The following MAP3K7CL variants were observed in gnomAD, a reference collection of about 807,000 sequenced individuals.
MAP3K7CL encodes the protein MAP3K7 C-terminal like, also known as MAP3K7 C-terminal-like protein.
In MAP3K7CL, 16 loss-of-function variants were observed where a neutral mutation model predicts 18.6. The ratio of observed to expected loss-of-function variants is 0.86; its 90% CI spans 0.58 to 1.31. The LOEUF is 1.31. Among genes scored for constraint, MAP3K7CL ranks in the 50% most tolerant of loss-of-function variants. The probability of loss-of-function intolerance (pLI) is 0.00; values close to 1 mark genes in which losing one functional copy is unlikely to be tolerated. For missense variants in MAP3K7CL, 163 were observed against 174.4 expected (o/e 0.93, Z 0.37); for synonymous variants, 65 against 66.8 (o/e 0.97, Z 0.13).
chr21:29,094,110 G>C (rs1046736006), intron 4 of MAP3K7CL, among the ~76,000 whole-genome samples: 3 of 152,208 alleles, frequency 2.0e-5, no homozygotes, highest in African/African-American at 7.2e-5. Flanking sequence ...TCAACTGGGG[G>C]CAATTTTTCC....
intron 4 of MAP3K7CL, chr21:29,109,339 T>C (rs1288523724): frequency 7.2e-7 from 1 of 1,395,434 alleles, no homozygotes; most frequent in Non-Finnish European, 9.3e-7. Flanking sequence ...AGTAATTAAT[T>C]TGATTTTCAT....
In MAP3K7CL at chr21:29,104,780, G is replaced by A. The variant is rs540594918; in HGVS notation, c.370+12199G>A. ...TGCTATGAACCACAGCGTGTCCTTC[G>A]GCTAATCCTCGTTAGCTGAGGTGGA... On this transcript the variant is annotated intron_variant, in intron 4 of 6. Coordinates refer to the MAP3K7CL transcript ENST00000286791. Among the ~76,000 whole-genome samples, 56 of 152,234 alleles carry A rather than the reference G, an allele frequency of 3.7e-4. 1 individual carries two copies. Among genetic ancestry groups the A allele is most frequent in the South Asian group, 2.3e-3 (11 of 4,818 alleles).
intron 4 of MAP3K7CL, among the ~76,000 whole-genome samples, chr21:29,118,779 C>T (rs1369428912): frequency 6.6e-6 from 1 of 152,242 alleles, no homozygotes; most frequent in Non-Finnish European, 1.5e-5. Context: ...GGATGCCAAA[C>T]TAAAGACGTG....
chr21:29,078,172 A>C (rs2085779900), intron 1 of MAP3K7CL, among the ~76,000 whole-genome samples: 1 of 150,744 alleles, frequency 6.6e-6, no homozygotes, highest in Non-Finnish European at 1.5e-5. Flanking sequence ...CTCCATTTGT[A>C]TTGTTTATTT....
chr21:29,134,597 G>A lies in MAP3K7CL; in HGVS notation c.70+1183G>A, dbSNP rs78094263. ...TCCAAACCTCTTCTCATGATCTGCC[G>A]TTGTACTGTGTCCTCACTCAGGGTC... is the stretch of plus-strand genomic sequence containing the variant. On this transcript the variant is annotated intron_variant, in intron 2 of 4. Transcript: ENST00000399928. 7.2e-4 allele frequency among the ~76,000 whole-genome samples: 110 copies of A among 152,278 alleles called. 1 individual carries two copies. The East Asian group carries it at 0.018, about 25-fold the overall frequency.
chr21:29,084,775 A>T (rs1040757477), upstream of MAP3K7CL, among the ~76,000 whole-genome samples: 8 of 152,250 alleles, frequency 5.3e-5, no homozygotes, highest in African/African-American at 1.9e-4. Flanking sequence ...AATGGTTACC[A>T]AAAATCCTTC....
intron 4 of MAP3K7CL, among the ~76,000 whole-genome samples, chr21:29,112,911 C>T (rs2086444219): frequency 6.6e-6 from 1 of 151,904 alleles, no homozygotes; most frequent in African/African-American, 2.4e-5. Context: ...TGGGTTCAAG[C>T]GATTCTCCTG....
chr21:29,152,225 A>G (rs2087292922), intron 3 of MAP3K7CL, among the ~76,000 whole-genome samples: 1 of 152,240 alleles, frequency 6.6e-6, no homozygotes, highest in African/African-American at 2.4e-5. Flanking sequence ...AAACAGCAAG[A>G]CGATGATGGT....
At chr21:29,083,838 G>A (rs1026091602), upstream of MAP3K7CL, among the ~76,000 whole-genome samples, 1 of 150,618 alleles carries the variant, frequency 6.6e-6, no homozygotes. Flanking sequence ...TGGGATGTGT[G>A]TGTGTGTGTA....
intron 2 of MAP3K7CL, among the ~76,000 whole-genome samples, chr21:29,143,375 G>A (rs1169745667): frequency 1.3e-5 from 2 of 151,820 alleles, no homozygotes; most frequent in Non-Finnish European, 2.9e-5. Flanking sequence ...CTCTGGGCAT[G>A]GCTTTCCCTC....
In MAP3K7CL at chr21:29,161,736, A is replaced by G. The variant is rs146353733; in HGVS notation, c.248+1680A>G. Among the ~76,000 whole-genome samples the G allele has an allele frequency of 1.4e-3, 212 of 152,246 alleles. 1 individual carries two copies. Among genetic ancestry groups the G allele is most frequent in the Non-Finnish European group, 2.7e-3 (181 of 68,022 alleles). ...CAAAATTTAATTTTTACAAAAAGCG[A>G]ATGAAATATATTTTGTGTTGAGAAG... is the stretch of plus-strand genomic sequence containing the variant. On this transcript the variant is annotated intron_variant, in intron 4 of 4. Coordinates refer to ENST00000399928, the MANE Select transcript of MAP3K7CL (RefSeq NM_001286620.2).
At chr21:29,084,824 ATT>A (rs544938042), upstream of MAP3K7CL, among the ~76,000 whole-genome samples, 4 of 152,216 alleles carry the variant, frequency 2.6e-5, no homozygotes, top group Non-Finnish European at 5.9e-5. Flanking sequence ...TCACACAGTG[ATT>A]TTTGATAACT....
chr21:29,113,607 C>T lies in MAP3K7CL; in HGVS notation c.370+21026C>T, dbSNP rs140874623. Among the ~76,000 whole-genome samples, 801 of 152,274 alleles carry T rather than the reference C, an allele frequency of 5.3e-3. 6 individuals are homozygous for T. The highest frequency in any genetic ancestry group is 0.018 in the African/African-American group (764 of 41,538). On this transcript the variant is annotated intron_variant, in intron 4 of 6. Transcript: ENST00000286791. Reference sequence around the variant, plus strand: ...GTGGCACAATCTCAGCTCACTGCAACCTCTGCCTCCCAGGTTCAAGCAATT... The same window carrying T: ...GTGGCACAATCTCAGCTCACTGCAATCTCTGCCTCCCAGGTTCAAGCAATT...
intron 4 of MAP3K7CL, among the ~76,000 whole-genome samples, chr21:29,123,466 C>T (rs575310366): frequency 6.6e-6 from 1 of 152,232 alleles, no homozygotes; most frequent in Admixed American, 6.5e-5. Context: ...GGCTAATTTA[C>T]AGTGGACAGA....
intron 4 of MAP3K7CL, among the ~76,000 whole-genome samples, chr21:29,172,930 C>T (rs2087878558): frequency 6.8e-6 from 1 of 147,760 alleles, no homozygotes; most frequent in Admixed American, 7.1e-5. Context: ...ATGTATTTTC[C>T]TTTCTTCTTT....
At chr21:29,172,193 C>CT (rs1371633092) in intron 4 of MAP3K7CL, among the ~76,000 whole-genome samples, 19 of 113,918 alleles carry the variant, frequency 1.7e-4, no homozygotes, top group Admixed American at 1.7e-4. Context: ...TTCTTCAAAA[C>CT]TATTTTTTTT....
chr21:29,128,970 ATTG>A (rs1265082897), upstream of MAP3K7CL, among the ~76,000 whole-genome samples: 3 of 152,328 alleles, frequency 2.0e-5, no homozygotes, highest in East Asian at 5.8e-4. Context: ...GTACAGCTTT[ATTG>A]TTGTATATAT....
At chr21:29,102,781 C>G (rs1014281844) in intron 4 of MAP3K7CL, 1 of 152,150 alleles carries the variant, frequency 6.6e-6, no homozygotes. Context: ...CTCATGGCTT[C>G]TTTCTTATTC....
chr21:29,091,479 C>CT, intron 1 of MAP3K7CL: 1 of 659,016 alleles, frequency 1.5e-6, no homozygotes, highest in Non-Finnish European at 2.7e-6. Context: ...TTCTTTTTTT[C>CT]TTTTTTATTT....
Sources: allele counts gnomAD v4.1 joint callset (sites outside exome capture counted in the v4.1 genomes callset), GRCh38; gene constraint gnomAD v4.1.1; transcripts MANE v1.5; gene names NCBI Gene and HGNC (gene_info 2026-07-23, HGNC 2026-07-21).